The following TFRC variants were observed in gnomAD, a reference collection of about 807,000 sequenced individuals.
The protein encoded by TFRC is transferrin receptor.
A neutral mutation model predicts 85.8 loss-of-function variants in TFRC; 35 were observed. The ratio of observed to expected loss-of-function variants is 0.41; its 90% CI spans 0.31 to 0.54. The LOEUF (loss-of-function observed/expected upper bound fraction) is 0.54. TFRC is among the 20% of genes least tolerant of loss of function. TFRC has a pLI of 0.31. For missense variants in TFRC, 828 were observed against 921.5 expected (o/e 0.90, Z 1.31); for synonymous variants, 362 against 328.6 (o/e 1.10, Z -1.10).
chr3:196,080,172 C>G (rs1437668176), intron 1 of TFRC, among the ~76,000 whole-genome samples: 1 of 152,218 alleles, frequency 6.6e-6, no homozygotes, highest in African/African-American at 2.4e-5. Context: ...AGCACGATCT[C>G]AGCTCACTAC....
At chr3:196,063,743 C>G (rs1717476343) in intron 11 of TFRC, among the ~76,000 whole-genome samples, 1 of 152,074 alleles carries the variant, frequency 6.6e-6, no homozygotes. Context: ...ATGGCGAAAC[C>G]CTGTCTCTAG....
In TFRC at chr3:196,060,125, A is replaced by G. The variant is rs373051235; in HGVS notation, c.1536+55T>C. The G allele has an allele frequency of 2.1e-6, 3 of 1,411,148 alleles. No homozygotes were observed. In the African/African-American group the frequency reaches 4.3e-5, roughly 20 times the overall value. The allele number at this position is 1,411,148 out of a possible 1,614,324, so 87.4% of individuals were successfully genotyped here. A position where few individuals can be genotyped will look rare whatever the true frequency, so the allele number is the denominator to read the frequency against. Reference sequence around the variant, plus strand: ...TTTACATATCAGTGTTTTTTATCTCAGGTTGATTCAACAAAAATTAAGTCA... The same window carrying G: ...TTTACATATCAGTGTTTTTTATCTCGGGTTGATTCAACAAAAATTAAGTCA... On this transcript the variant is annotated intron_variant, in intron 14 of 18. Transcript: ENST00000360110.
intron 3 of TFRC, 101 bp from the exon 4 acceptor site, chr3:196,074,226 T>C (rs41301357): frequency 1.8e-6 from 2 of 1,126,568 alleles, no homozygotes; most frequent in Admixed American, 5.1e-5. Flanking sequence ...ATACTGGTTT[T>C]CATCAAATTC....
At chr3:196,080,356 G>A (rs1421014131) in intron 1 of TFRC, among the ~76,000 whole-genome samples, 2 of 152,254 alleles carry the variant, frequency 1.3e-5, no homozygotes, top group East Asian at 3.9e-4. Flanking sequence ...CACCTGCCTC[G>A]GCCTCCCAAA....
At chr3:196,063,181 T>C in intron 11 of TFRC, 1 of 402,178 alleles carries the variant, frequency 2.5e-6, no homozygotes, top group Non-Finnish European at 4.5e-6. Context: ...AGATAGGAGA[T>C]CTGCAAATAA....
At chr3:196,055,400 C>A in intron 16 of TFRC, 99 bp from the exon 17 acceptor site, 1 of 962,310 alleles carries the variant, frequency 1.0e-6, no homozygotes, top group Non-Finnish European at 1.6e-6. Flanking sequence ...GACAGTTCCA[C>A]CCTTGCTTCT....
chr3:196,068,202 A>C (rs955627636), intron 7 of TFRC, 72 bp from the exon 8 acceptor site: 10 of 1,094,992 alleles, frequency 9.1e-6, no homozygotes, highest in Admixed American at 2.2e-5. Context: ...CCTGGACATT[A>C]TGCTAAAGGC....
chr3:196,067,465 T>G, intron 9 of TFRC, 53 bp downstream of exon 9: 2 of 1,556,176 alleles, frequency 1.3e-6, no homozygotes, highest in South Asian at 2.4e-5. Context: ...ATTACCGTTC[T>G]TCCCTAATCA....
chr3:196,070,957 G>C (rs967324376), intron 6 of TFRC, among the ~76,000 whole-genome samples: 6 of 152,124 alleles, frequency 3.9e-5, no homozygotes, highest in African/African-American at 9.6e-5. Flanking sequence ...AACAAAAATA[G>C]AAAAAGATCA....
intron 16 of TFRC, 109 bp from the exon 17 acceptor site, chr3:196,055,410 T>A: frequency 1.2e-6 from 1 of 865,118 alleles, no homozygotes; most frequent in Non-Finnish European, 1.9e-6. Flanking sequence ...CCCTTGCTTC[T>A]AACATATTCC....
intron 7 of TFRC, among the ~76,000 whole-genome samples, chr3:196,068,610 C>CAA (rs55807772): frequency 0.075 from 3,111 of 41,748 alleles, 115 homozygotes; most frequent in East Asian, 0.14. Flanking sequence ...AACTCCCTCT[C>CAA]AAAAAAAAAA....
intron 1 of TFRC, among the ~76,000 whole-genome samples, chr3:196,080,835 G>GCCCCC: frequency 6.6e-6 from 1 of 151,348 alleles, no homozygotes; most frequent in Non-Finnish European, 1.5e-5. Flanking sequence ...CAAAATTCAG[G>GCCCCC]GCCGGGGGGC....
Position 196,064,425 on chromosome 3 carries a change from T to C in TFRC, c.1202A>G (p.His401Arg). ...TCTCTGGGCCCCAACTACAACATAG[T>C]GATCTTTAAAAAAGAAAAAAGAGGA... ...GVIKGFVEPD[H>R]YVVVGAQRDA... The change falls in exon 11 of 19, where the codon CAC (histidine) becomes CGC (arginine). Residue 401 changes from histidine (H) to arginine (R), a missense_variant. By Grantham distance (29) the His-to-Arg change is conservative. Transcript: ENST00000360110. The C allele has an allele frequency of 6.3e-7, 1 of 1,576,740 alleles. No individual in the cohort carries two copies. Among genetic ancestry groups the C allele is most frequent in the Non-Finnish European group, 8.5e-7 (1 of 1,169,646 alleles).
chr3:196,052,191 AAAC>A lies in TFRC; in HGVS notation c.2041-10_2041-8del, dbSNP rs748184529. ...AGAGGAAGTGATACTCCACCTACGAAAACAACACACAAGGCAATTTACACAGCC... is the reference window on the plus strand; with the variant it reads ...AGAGGAAGTGATACTCCACCTACGAAAACACACAAGGCAATTTACACAGCC... On this transcript the variant is annotated splice_region_variant and splice_polypyrimidine_tract_variant and intron_variant, in intron 18 of 18. Transcript: ENST00000360110. The A allele has an allele frequency of 4.3e-5, 70 of 1,612,942 alleles. No homozygotes were observed. Among genetic ancestry groups the A allele is most frequent in the Non-Finnish European group, 5.6e-5 (66 of 1,179,360 alleles).
At position 196,049,718 on chromosome 3, in the gene TFRC, C is replaced by A. The variant is rs188924844; in HGVS notation, c.*2224G>T. The A allele has an allele frequency of 8.7e-6, 2 of 229,910 alleles. No individual in the cohort carries two copies. Among genetic ancestry groups the A allele is most frequent in the Admixed American group, 5.7e-5 (1 of 17,654 alleles). 14.2% of individuals were successfully genotyped at this position (229,910 alleles called of 1,614,324 possible). A position where few individuals can be genotyped will look rare whatever the true frequency, so the allele number is the denominator to read the frequency against. ...CATGCCACATGCTTTCATTTAAGTA[C>A]GTGTGCGTAACACCCGAACCAGGAA... On this transcript the variant is annotated 3_prime_UTR_variant, in exon 19 of 19. Coordinates refer to ENST00000360110, the MANE Select transcript of TFRC (RefSeq NM_001128148.3).
chr3:196,060,411 A>T, intron 13 of TFRC, 164 bp from the exon 14 acceptor site: 1 of 640,298 alleles, frequency 1.6e-6, no homozygotes, highest in Non-Finnish European at 2.7e-6. Context: ...TTTTGGTATC[A>T]AGCTCTTTAG....
chr3:196,067,680 C>G, intron 8 of TFRC, 23 bp from the exon 9 acceptor site: 2 of 1,610,116 alleles, frequency 1.2e-6, no homozygotes, highest in Non-Finnish European at 1.7e-6. Context: ...AAGAGCAATT[C>G]ACTCCATCAC....
Position 196,058,628 on chromosome 3 carries a change from T to G in TFRC, c.1541A>C (p.Lys514Thr). The G allele has an allele frequency of 6.2e-7, 1 of 1,610,230 alleles. No homozygotes were observed. The highest frequency in any genetic ancestry group is 8.5e-7 in the Non-Finnish European group (1 of 1,178,286). Residue 514 changes from lysine (K) to threonine (T), a missense_variant, in exon 15 of 19, where the codon AAG (lysine) becomes ACG (threonine). Lys to Thr is a moderately conservative substitution (Grantham distance 78). Transcript: ENST00000360110. The part of the protein sequence containing the change: ...TLIEKTMQNV[K>T]HPVTGQFLYQ... ...TAGAAATTGCCCAGTAACCGGATGCTTCACCTGTAAGATAAGAAATTATCA... is the reference window on the plus strand; with the variant it reads ...TAGAAATTGCCCAGTAACCGGATGCGTCACCTGTAAGATAAGAAATTATCA...
rs554279623 is a variant in TFRC, at chr3:196,071,517, T to A, written c.585-19A>T. 6.2e-7 allele frequency: 1 copy of A among 1,609,996 alleles called. No homozygotes were observed. The highest frequency in any genetic ancestry group is 1.7e-5 in the Admixed American group (1 of 60,008). On this transcript the variant is annotated intron_variant, in intron 5 of 18. Transcript: ENST00000360110. The stretch of plus-strand genomic sequence containing the variant: ...TTGAGCGCTGTTAAAAAGATTAAGT[T>A]AAAATAAGCCTAAGGTCATCCTTCC...
Sources: allele counts gnomAD v4.1 joint callset (sites outside exome capture counted in the v4.1 genomes callset), GRCh38; gene constraint gnomAD v4.1.1; transcripts MANE v1.5; gene names NCBI Gene and HGNC (gene_info 2026-07-23, HGNC 2026-07-21).